DDX4: variants seen among roughly 807,000 people sequenced by gnomAD.
DDX4 encodes DEAD-box helicase 4.
DDX4 carries 25 observed loss-of-function variants against 100.0 expected under a neutral mutation model. The ratio of observed to expected loss-of-function variants is 0.25; its 90% CI spans 0.18 to 0.35. DDX4 has a LOEUF of 0.35. Ranked by LOEUF, DDX4 falls within the 10% of genes least tolerant of loss-of-function variation. DDX4 has a pLI of 1.00. For synonymous variants in DDX4, 259 were observed against 275.7 expected (o/e 0.94, Z 0.60); for missense variants, 635 against 882.4 (o/e 0.72, Z 3.55).
chr5:55,769,415 C>G (rs1394790642), intron 7 of DDX4, among the ~76,000 whole-genome samples: 1 of 152,056 alleles, frequency 6.6e-6, no homozygotes, highest in Non-Finnish European at 1.5e-5. Flanking sequence ...TGGCAAAAAT[C>G]AGATGGTTGT....
rs1744450216 is a variant in DDX4, at chr5:55,816,917, A to G, written c.*377A>G. 1 of 165,346 alleles carries G rather than the reference A, an allele frequency of 6.0e-6. No homozygotes were observed. The highest frequency in any genetic ancestry group is 2.4e-5 in the African/African-American group (1 of 41,808). The allele number at this position is 165,346 out of a possible 1,614,324, so 10.2% of individuals were successfully genotyped here. A position where few individuals can be genotyped will look rare whatever the true frequency, so the allele number is the denominator to read the frequency against. On this transcript the variant is annotated 3_prime_UTR_variant, in exon 22 of 22. Transcript: ENST00000505374. Reference sequence around the variant, plus strand: ...TTTTGGTTAAAAATTACTGGGTCTCATTTTTACTTGAGTCTTTAAAACAGT... The same window carrying G: ...TTTTGGTTAAAAATTACTGGGTCTCGTTTTTACTTGAGTCTTTAAAACAGT...
intron 17 of DDX4, among the ~76,000 whole-genome samples, chr5:55,798,051 G>T (rs1314923941): frequency 6.6e-6 from 1 of 152,102 alleles, no homozygotes; most frequent in African/African-American, 2.4e-5. Flanking sequence ...CAGAATTTGT[G>T]TCTCAGGCTT....
chr5:55,741,423 G>T (rs576728258), intron 2 of DDX4, among the ~76,000 whole-genome samples: 9 of 152,290 alleles, frequency 5.9e-5, no homozygotes, highest in African/African-American at 2.2e-4. Flanking sequence ...TGTGCCATTA[G>T]TTCTATGCTT....
chr5:55,798,601 T>C (rs774079986), intron 18 of DDX4, 30 bp downstream of exon 18: 1 of 1,547,192 alleles, frequency 6.5e-7, no homozygotes, highest in Non-Finnish European at 8.7e-7. Flanking sequence ...TTTTTTGTCA[T>C]GATTTTGATT....
chr5:55,781,517 C>A (rs1561499120), intron 9 of DDX4, among the ~76,000 whole-genome samples: 3 of 152,126 alleles, frequency 2.0e-5, no homozygotes, highest in African/African-American at 7.2e-5. Context: ...TGGCTCATGC[C>A]TGTAATCCCA....
chr5:55,766,474 A>G (rs1740933705), intron 6 of DDX4, among the ~76,000 whole-genome samples: 1 of 145,496 alleles, frequency 6.9e-6, no homozygotes, highest in Non-Finnish European at 1.5e-5. Context: ...AGTAAATATT[A>G]GTTATCATCA....
intron 6 of DDX4, chr5:55,767,015 T>C (rs774845268): frequency 6.7e-7 from 1 of 1,501,080 alleles, no homozygotes; most frequent in Non-Finnish European, 8.8e-7. Context: ...ACTACTATTT[T>C]AAAACTCTGG....
At chr5:55,802,960 T>C in intron 18 of DDX4, among the ~76,000 whole-genome samples, 1 of 152,204 alleles carries the variant, frequency 6.6e-6, no homozygotes, top group Admixed American at 6.5e-5. Context: ...TAAACCCTTT[T>C]TTTATTATAT....
At chr5:55,775,449 G>A (rs4865989) in intron 7 of DDX4, among the ~76,000 whole-genome samples, 16,310 of 152,136 alleles carry the variant, frequency 0.11, 1,338 homozygotes, top group East Asian at 0.27. Context: ...TCCCTGGGTT[G>A]CTTCAAGCCT....
At chr5:55,811,813 CAT>C (rs1191236176) in intron 18 of DDX4, among the ~76,000 whole-genome samples, 1 of 152,146 alleles carries the variant, frequency 6.6e-6, no homozygotes, top group African/African-American at 2.4e-5. Flanking sequence ...TTTTTCAAAA[CAT>C]AAATACTGTT....
At position 55,805,448 on chromosome 5, in the gene DDX4, T is replaced by C. The variant is rs528160611; in HGVS notation, c.1615+6877T>C. On this transcript the variant is annotated intron_variant, in intron 18 of 21. Coordinates refer to ENST00000505374, the MANE Select transcript of DDX4 (RefSeq NM_024415.3). ...CAGTTTTTGCCCATTCAGTATGATA[T>C]TGGCTGTGGGTTTGTCATAGATAGC... 9.6e-4 allele frequency among the ~76,000 whole-genome samples: 146 copies of C among 151,434 alleles called. 1 individual carries two copies. Among genetic ancestry groups the C allele is most frequent in the African/African-American group, 3.3e-3 (135 of 41,204 alleles).
At chr5:55,747,514 C>T (rs535760735) in intron 3 of DDX4, among the ~76,000 whole-genome samples, 15 of 152,172 alleles carry the variant, frequency 9.9e-5, no homozygotes, top group African/African-American at 2.4e-4. Flanking sequence ...GCCACTGCAC[C>T]CTTGCCTGGG....
intron 18 of DDX4, among the ~76,000 whole-genome samples, chr5:55,811,809 A>G (rs555434883): frequency 1.0e-3 from 156 of 152,330 alleles, no homozygotes; most frequent in African/African-American, 3.4e-3. Flanking sequence ...GATGTTTTTC[A>G]AAACATAAAT....
At chr5:55,766,951 T>G (rs1376485590) in intron 6 of DDX4, 1 of 1,523,464 alleles carries the variant, frequency 6.6e-7, no homozygotes, top group Admixed American at 2.0e-5. Context: ...GAATTTATTT[T>G]TAACCAACTC....
chr5:55,802,956 C>CT (rs907152574), intron 18 of DDX4, among the ~76,000 whole-genome samples: 9 of 151,850 alleles, frequency 5.9e-5, no homozygotes, highest in Non-Finnish European at 1.2e-4. Context: ...ACAGTAAACC[C>CT]TTTTTTTATT....
intron 19 of DDX4, 130 bp downstream of exon 19, chr5:55,813,902 T>A: frequency 9.2e-7 from 1 of 1,088,624 alleles, no homozygotes; most frequent in Non-Finnish European, 1.2e-6. Context: ...TCTAAACTGT[T>A]ATTCTCCTTT....
chr5:55,771,221 G>A (rs1011416278), intron 7 of DDX4, among the ~76,000 whole-genome samples: 2 of 152,158 alleles, frequency 1.3e-5, no homozygotes, highest in African/African-American at 4.8e-5. Context: ...CTTGAGTTCA[G>A]TGTGTTCACC....
chr5:55,804,300 T>C (rs1743544789), intron 18 of DDX4, among the ~76,000 whole-genome samples: 1 of 151,842 alleles, frequency 6.6e-6, no homozygotes, highest in Non-Finnish European at 1.5e-5. Flanking sequence ...GTAGTTTCTT[T>C]TGCTGTGCAG....
intron 5 of DDX4, among the ~76,000 whole-genome samples, chr5:55,763,550 G>C (rs917950547): frequency 1.3e-5 from 2 of 152,016 alleles, no homozygotes; most frequent in Non-Finnish European, 1.5e-5. Flanking sequence ...AAAACTTGAC[G>C]ACTTTTTAAA....
Sources: allele counts gnomAD v4.1 joint callset (sites outside exome capture counted in the v4.1 genomes callset), GRCh38; gene constraint gnomAD v4.1.1; transcripts MANE v1.5; gene names NCBI Gene and HGNC (gene_info 2026-07-23, HGNC 2026-07-21).